Variants in RFT1 observed in about 807,000 individuals in gnomAD.
RFT1 encodes the protein RFT1 glycolipid translocator homolog, also known as man(5)GlcNAc(2)-PP-dolichol translocation protein RFT1.
Under a neutral mutation model 62.2 loss-of-function variants are expected in RFT1, and 43 were observed. That is an observed-to-expected ratio of 0.69 (90% CI 0.54 to 0.89). The LOEUF (loss-of-function observed/expected upper bound fraction) is 0.89, where lower values mean the gene tolerates loss of function less well. Among genes scored for constraint, RFT1 ranks in the 40% least tolerant of loss-of-function variants. RFT1 has a pLI of 0.00. For missense variants in RFT1, 605 were observed against 649.9 expected, an observed-to-expected ratio of 0.93 and a Z score of 0.75; for synonymous variants, 262 against 264.6, an observed-to-expected ratio of 0.99 and a Z score of 0.10.
intron 6 of RFT1, among the ~76,000 whole-genome samples, chr3:53,113,240 C>T (rs1325141461): frequency 6.6e-6 from 1 of 152,152 alleles, no homozygotes; most frequent in Non-Finnish European, 1.5e-5. Flanking sequence ...TGGTCTCAAA[C>T]TCCTGGCTCA....
chr3:53,102,681 G>A (rs985091968), intron 10 of RFT1, among the ~76,000 whole-genome samples: 11 of 152,216 alleles, frequency 7.2e-5, no homozygotes, highest in African/African-American at 2.2e-4. Flanking sequence ...AAGCCTGTCC[G>A]TGCTGTGTCC....
chr3:53,121,665 G>T (rs757252490), intron 5 of RFT1, 34 bp downstream of exon 5: 2 of 1,507,254 alleles, frequency 1.3e-6, no homozygotes, highest in East Asian at 2.3e-5. Flanking sequence ...GAGAAACAAA[G>T]ATCATATAAA....
intron 7 of RFT1, among the ~76,000 whole-genome samples, 168 bp from the exon 8 acceptor site, chr3:53,107,037 G>A (rs562390586): frequency 3.3e-5 from 5 of 151,766 alleles, no homozygotes; most frequent in Non-Finnish European, 7.4e-5. Context: ...TAATCTCAGA[G>A]TAACAATTTG....
At chr3:53,116,194 G>C (rs1294686256) in intron 6 of RFT1, among the ~76,000 whole-genome samples, 1 of 152,022 alleles carries the variant, frequency 6.6e-6, no homozygotes, top group African/African-American at 2.4e-5. Flanking sequence ...CATTAAGGAA[G>C]TCCCCAGTGC....
At chr3:53,113,802 G>A (rs558280107) in intron 6 of RFT1, among the ~76,000 whole-genome samples, 1 of 152,176 alleles carries the variant, frequency 6.6e-6, no homozygotes, top group South Asian at 2.1e-4. Flanking sequence ...AGCCACATGT[G>A]GCTGGTGGCT....
intron 4 of RFT1, 54 bp from the exon 5 acceptor site, chr3:53,121,854 G>T: frequency 7.0e-7 from 1 of 1,421,310 alleles, no homozygotes; most frequent in Non-Finnish European, 9.8e-7. Context: ...AAGTCAAGAT[G>T]TAATGGAATG....
At chr3:53,094,243 C>T (rs1701077305) in intron 11 of RFT1, among the ~76,000 whole-genome samples, 1 of 152,066 alleles carries the variant, frequency 6.6e-6, no homozygotes, top group Non-Finnish European at 1.5e-5. Flanking sequence ...AGAAGGCAAG[C>T]CACTGCATCC....
chr3:53,071,916 A>G, the RFT1 span, among the ~76,000 whole-genome samples: 1 of 152,234 alleles, frequency 6.6e-6, no homozygotes, highest in South Asian at 2.1e-4. Context: ...GAGGGGCAGC[A>G]GGGCTGCCAA....
the RFT1 span, among the ~76,000 whole-genome samples, chr3:53,070,328 T>A: frequency 6.6e-6 from 1 of 151,064 alleles, no homozygotes; most frequent in Non-Finnish European, 1.5e-5. Flanking sequence ...GGTGGGAGGA[T>A]TGCCTGAGCC....
the RFT1 span, among the ~76,000 whole-genome samples, chr3:53,072,196 A>T: frequency 6.6e-6 from 1 of 152,152 alleles, no homozygotes; most frequent in Non-Finnish European, 1.5e-5. Flanking sequence ...CACTCATGTC[A>T]GCGAGGTCAC....
At chr3:53,120,605 G>C (rs981164324) in intron 5 of RFT1, among the ~76,000 whole-genome samples, 1 of 152,164 alleles carries the variant, frequency 6.6e-6, no homozygotes, top group African/African-American at 2.4e-5. Context: ...CAAAAGAATG[G>C]CTTCTGGCCA....
chr3:53,088,239 GA>G (rs899898266), downstream of RFT1, among the ~76,000 whole-genome samples: 5 of 152,272 alleles, frequency 3.3e-5, no homozygotes, highest in South Asian at 8.3e-4. Context: ...CTTAAGGGGG[GA>G]TGGGGAGAGG....
At chr3:53,104,881 T>C (rs1160745022) in intron 9 of RFT1, among the ~76,000 whole-genome samples, 1 of 152,208 alleles carries the variant, frequency 6.6e-6, no homozygotes. Flanking sequence ...ACAGTCAGAG[T>C]GTAGCTCTGG....
intron 7 of RFT1, 107 bp from the exon 8 acceptor site, chr3:53,106,976 A>G: frequency 1.3e-6 from 1 of 781,470 alleles, no homozygotes; most frequent in East Asian, 2.7e-5. Context: ...TAAAGGAGAA[A>G]TACTAGGTAA....
chr3:53,090,003 G>A lies in RFT1; in HGVS notation c.*1900C>T, dbSNP rs202235284. 1.3e-5 allele frequency: 2 copies of A among 152,692 alleles called. No homozygotes were observed. Among genetic ancestry groups the A allele is most frequent in the Non-Finnish European group, 2.9e-5 (2 of 68,086 alleles). The allele number at this position is 152,692 out of a possible 1,614,324, so 9.5% of individuals were successfully genotyped here. Reference sequence around the variant, plus strand: ...AGCATGATGGTCCTGGGCCTGTCACGAAGGAAGACAATGGGGCATGCCAAC... The same window carrying A: ...AGCATGATGGTCCTGGGCCTGTCACAAAGGAAGACAATGGGGCATGCCAAC... On this transcript the variant is annotated 3_prime_UTR_variant, in exon 13 of 13. Coordinates refer to ENST00000296292, the MANE Select transcript of RFT1 (RefSeq NM_052859.4).
chr3:53,086,177 A>G (rs1700848799), downstream of RFT1, among the ~76,000 whole-genome samples: 1 of 152,164 alleles, frequency 6.6e-6, no homozygotes, highest in African/African-American at 2.4e-5. Context: ...GAAGCAAATA[A>G]TTTTTCGTCT....
At chr3:53,126,240 T>C (rs1445803282) in intron 1 of RFT1, among the ~76,000 whole-genome samples, 1 of 152,208 alleles carries the variant, frequency 6.6e-6, no homozygotes, top group Non-Finnish European at 1.5e-5. Flanking sequence ...GGCTCCCTAA[T>C]TTATTAATAA....
chr3:53,111,377 GC>G (rs775646637), intron 7 of RFT1, among the ~76,000 whole-genome samples: 82 of 151,772 alleles, frequency 5.4e-4, no homozygotes, highest in Non-Finnish European at 9.0e-4. Flanking sequence ...CTGTACTCCA[GC>G]TTGGGCGACG....
the RFT1 span, among the ~76,000 whole-genome samples, chr3:53,081,722 A>T: frequency 3.9e-4 from 59 of 152,310 alleles, no homozygotes; most frequent in African/African-American, 1.3e-3. Flanking sequence ...ACCCTGGGAT[A>T]TACAAAACCT....
Sources: gnomAD v4.1 joint callset for allele counts (sites outside exome capture counted in the v4.1 genomes callset) on GRCh38, gnomAD v4.1.1 for gene constraint, MANE v1.5 for transcripts, NCBI Gene and HGNC (gene_info 2026-07-23, HGNC 2026-07-21) for gene names.